Variants in USH2A observed in about 807,000 individuals in gnomAD.
The protein encoded by USH2A is usherin.
In USH2A, 443 loss-of-function variants were observed where a neutral mutation model predicts 538.9. The ratio of observed to expected loss-of-function variants is 0.82; its 90% CI spans 0.76 to 0.89. The LOEUF is 0.89. Ranked by LOEUF, USH2A falls within the 40% of genes least tolerant of loss-of-function variation. USH2A has a pLI of 0.00. For missense variants in USH2A, 6,633 were observed against 6,324.8 expected (o/e 1.05, Z -1.65); for synonymous variants, 2,413 against 2,273.5 (o/e 1.06, Z -1.75).
intron 32 of USH2A, among the ~76,000 whole-genome samples, chr1:216,025,195 A>T (rs530946934): frequency 6.6e-6 from 1 of 151,962 alleles, no homozygotes; most frequent in South Asian, 2.1e-4. Context: ...AAATTGTGAG[A>T]GTATTAATAA....
chr1:216,107,641 T>C (rs1013820185), intron 21 of USH2A, among the ~76,000 whole-genome samples: 4 of 151,702 alleles, frequency 2.6e-5, no homozygotes, highest in African/African-American at 9.7e-5. Context: ...TAACTTAATT[T>C]TACCATCTTG....
chr1:216,264,570 T>A (rs1265496222), intron 11 of USH2A, among the ~76,000 whole-genome samples: 1 of 152,152 alleles, frequency 6.6e-6, no homozygotes, highest in Non-Finnish European at 1.5e-5. Context: ...AGTGCTGGGA[T>A]TACAGGCGTG....
At chr1:216,232,961 A>G (rs1253383271) in intron 13 of USH2A, among the ~76,000 whole-genome samples, 1 of 152,200 alleles carries the variant, frequency 6.6e-6, no homozygotes, top group Non-Finnish European at 1.5e-5. Flanking sequence ...AATGGATAGC[A>G]AAACCCAGGT....
chr1:216,333,358 G>T (rs1263855431), intron 4 of USH2A, among the ~76,000 whole-genome samples: 1 of 151,960 alleles, frequency 6.6e-6, no homozygotes, highest in Non-Finnish European at 1.5e-5. Context: ...AGATCTAAAT[G>T]ATCAGAAGAA....
intron 44 of USH2A, among the ~76,000 whole-genome samples, chr1:215,862,091 G>A (rs1215110841): frequency 6.6e-6 from 1 of 151,954 alleles, no homozygotes; most frequent in Non-Finnish European, 1.5e-5. Context: ...GCCCACCTCG[G>A]CCTCCCAAAG....
chr1:216,323,494 G>A lies in USH2A; in HGVS notation c.1530C>T (p.Asp510=), dbSNP rs200940197. The A allele has an allele frequency of 4.9e-4, 792 of 1,613,196 alleles. 10 individuals are homozygous for A. The South Asian group carries it at 7.8e-3, about 16-fold the overall frequency. ...AATACCTCCCACTAATGGTGATTTCGTCCACTGCATAATATCTGTGTCTGA... is the reference window on the plus strand; with the variant it reads ...AATACCTCCCACTAATGGTGATTTCATCCACTGCATAATATCTGTGTCTGA... The part of the protein sequence containing the change: ...VNLRHRYYAV[D]EITISGRCQC... The change falls in exon 8 of 72, where the codon GAC becomes GAT. Residue 510 remains aspartate (D), a synonymous_variant. Transcript: ENST00000307340.
chr1:216,174,459 G>A, intron 21 of USH2A: 1 of 985,384 alleles, frequency 1.0e-6, no homozygotes, highest in Non-Finnish European at 1.2e-6. Flanking sequence ...AGGCCAGGAG[G>A]AGGGTAAGGC....
chr1:215,824,870 G>A (rs188374736), intron 47 of USH2A, among the ~76,000 whole-genome samples: 6 of 152,268 alleles, frequency 3.9e-5, no homozygotes. Flanking sequence ...GGGCATTGTG[G>A]ATATGAAAGT....
chr1:216,276,778 A>G (rs565329621), intron 11 of USH2A, among the ~76,000 whole-genome samples: 34 of 152,186 alleles, frequency 2.2e-4, no homozygotes, highest in South Asian at 8.3e-4. Flanking sequence ...TCCCATTTTT[A>G]AAACCATCAG....
intron 68 of USH2A, among the ~76,000 whole-genome samples, chr1:215,640,168 G>A (rs1426506104): frequency 6.6e-6 from 1 of 152,082 alleles, no homozygotes; most frequent in African/African-American, 2.4e-5. Context: ...TTCCTGATAG[G>A]GCTCTGTTTG....
intron 49 of USH2A, 120 bp from the exon 50 acceptor site, chr1:215,799,245 A>G: frequency 8.2e-7 from 1 of 1,217,828 alleles, no homozygotes. Context: ...TACTAAAGAG[A>G]ATAATATCAT....
intron 40 of USH2A, among the ~76,000 whole-genome samples, chr1:215,890,469 T>A (rs1297399251): frequency 6.6e-6 from 1 of 152,138 alleles, no homozygotes; most frequent in African/African-American, 2.4e-5. Flanking sequence ...AGAATCATAA[T>A]CACTTTTCGA....
intron 3 of USH2A, among the ~76,000 whole-genome samples, chr1:216,366,758 G>A (rs369812517): frequency 6.0e-4 from 91 of 152,040 alleles, no homozygotes; most frequent in Middle Eastern, 3.4e-3. Context: ...ATCTAGTGTT[G>A]CATTTGATTT....
Position 216,217,526 on chromosome 1 carries a change from G to A in USH2A, c.3018C>T (p.Leu1006=). 6.2e-7 allele frequency: 1 copy of A among 1,613,112 alleles called. No individual in the cohort carries two copies. The highest frequency in any genetic ancestry group is 8.5e-7 in the Non-Finnish European group (1 of 1,179,354). Residue 1006 remains leucine, a synonymous_variant, in exon 15 of 72, where the codon CTC becomes CTT. Transcript: ENST00000307340. ...GACAGGTTTCATTCAAGGCTCCTGAGAGATGACAATTACAAGGCTGACATC... is the reference window on the plus strand; with the variant it reads ...GACAGGTTTCATTCAAGGCTCCTGAAAGATGACAATTACAAGGCTGACATC... ...TGRCQPCNCH[L]SGALNETCHL...
intron 62 of USH2A, among the ~76,000 whole-genome samples, chr1:215,679,588 T>C (rs915519961): frequency 3.3e-5 from 5 of 152,222 alleles, no homozygotes; most frequent in African/African-American, 1.2e-4. Flanking sequence ...ACAGTCCCCC[T>C]GTACTCATGG....
chr1:216,315,441 A>T (rs1025289023), intron 9 of USH2A, among the ~76,000 whole-genome samples: 2 of 152,152 alleles, frequency 1.3e-5, no homozygotes, highest in African/African-American at 4.8e-5. Context: ...GTTTCCTGGG[A>T]TTGGGGGTTC....
At chr1:215,957,358 T>C (rs2102447079) in intron 37 of USH2A, among the ~76,000 whole-genome samples, 1 of 152,300 alleles carries the variant, frequency 6.6e-6, no homozygotes, top group East Asian at 1.9e-4. Context: ...ATGACACTCA[T>C]TTAATTTCTT....
chr1:216,045,002 C>T (rs114060748), intron 32 of USH2A, among the ~76,000 whole-genome samples: 2 of 152,134 alleles, frequency 1.3e-5, no homozygotes, highest in Admixed American at 6.5e-5. Flanking sequence ...CCTGTCCACA[C>T]GACTTGCTCC....
At chr1:216,064,599 T>A (rs558450157) in intron 30 of USH2A, among the ~76,000 whole-genome samples, 5 of 152,226 alleles carry the variant, frequency 3.3e-5, no homozygotes, top group African/African-American at 4.8e-5. Flanking sequence ...TGCTACATAA[T>A]GTTTTGGTCA....
Sources: allele counts gnomAD v4.1 joint callset (sites outside exome capture counted in the v4.1 genomes callset), GRCh38; gene constraint gnomAD v4.1.1; transcripts MANE v1.5; gene names NCBI Gene and HGNC (gene_info 2026-07-23, HGNC 2026-07-21).